RHOBTB2: variants seen among roughly 807,000 people sequenced by gnomAD.
The protein encoded by RHOBTB2 is Rho related BTB domain containing 2.
In RHOBTB2, 39 loss-of-function variants were observed where a neutral mutation model predicts 66.5. That is an observed-to-expected ratio of 0.59 (90% CI 0.45 to 0.77). The LOEUF (loss-of-function observed/expected upper bound fraction) is 0.77, where lower values mean the gene tolerates loss of function less well. Ranked by LOEUF, RHOBTB2 falls within the 30% of genes least tolerant of loss-of-function variation. The probability of loss-of-function intolerance (pLI) is 0.00; values close to 1 mark genes in which losing one functional copy is unlikely to be tolerated. For synonymous variants in RHOBTB2, 390 were observed against 395.0 expected (o/e 0.99, Z 0.15); for missense variants, 755 against 999.1 (o/e 0.76, Z 3.29).
chr8:22,958,563 T>A, the RHOBTB2 span, among the ~76,000 whole-genome samples: 1 of 151,848 alleles, frequency 6.6e-6, no homozygotes, highest in African/African-American at 2.4e-5. Flanking sequence ...CTTTGGGAAG[T>A]TGAGGCAGCA....
intron 2 of RHOBTB2, chr8:22,994,477 T>A (rs1810494985): frequency 1.2e-6 from 1 of 802,854 alleles, no homozygotes; most frequent in African/African-American, 1.7e-5. Context: ...TGAGCGACCT[T>A]GGAGTAATTC....
Position 22,999,864 on chromosome 8 carries a change from A to G in RHOBTB2, c.-252A>G, listed in dbSNP as rs1051327644. The G allele has an allele frequency of 6.5e-5, 64 of 984,830 alleles. No individual in the cohort carries two copies. Among genetic ancestry groups the G allele is most frequent in the Non-Finnish European group, 7.1e-5 (59 of 829,844 alleles). The allele number at this position is 984,830 out of a possible 1,614,324, so 61.0% of individuals were successfully genotyped here. ...GGGGCGATGCTGATCCGGAAGGGGC[A>G]GCGGCTGCAGTGCAGCGCGCGCGTC... is the stretch of plus-strand genomic sequence containing the variant. On this transcript the variant is annotated 5_prime_UTR_variant, in exon 1 of 10. Transcript: ENST00000251822.
At chr8:22,950,933 G>GCT in the RHOBTB2 span, among the ~76,000 whole-genome samples, 4 of 152,148 alleles carry the variant, frequency 2.6e-5, no homozygotes, top group Non-Finnish European at 5.9e-5. Flanking sequence ...ACAACTGCCG[G>GCT]CATTCACCGC....
chr8:22,992,500 C>CCTCCTT (rs1165593330), intron 2 of RHOBTB2, among the ~76,000 whole-genome samples: 1 of 152,136 alleles, frequency 6.6e-6, no homozygotes, highest in Non-Finnish European at 1.5e-5. Flanking sequence ...GAGTCTTAGA[C>CCTCCTT]CTGGAAGCCC....
intron 2 of RHOBTB2, among the ~76,000 whole-genome samples, chr8:22,993,540 C>A (rs1053576926): frequency 6.6e-6 from 1 of 152,190 alleles, no homozygotes; most frequent in Non-Finnish European, 1.5e-5. Flanking sequence ...CATGTAGCCA[C>A]CCCTGTCTTC....
At chr8:22,988,165 T>C (rs1342121114) in intron 1 of RHOBTB2, among the ~76,000 whole-genome samples, 9 of 143,942 alleles carry the variant, frequency 6.3e-5, no homozygotes, top group African/African-American at 2.1e-4. Flanking sequence ...TTTTTTTTTT[T>C]TTTTTTTTTT....
rs923691001 is a variant in RHOBTB2, at chr8:23,007,460, C to T, written c.1215C>T (p.Leu405=). 3 of 1,614,168 alleles carry T rather than the reference C, an allele frequency of 1.9e-6. No individual in the cohort carries two copies. Among genetic ancestry groups the T allele is most frequent in the Non-Finnish European group, 8.5e-7 (1 of 1,180,002 alleles). ...SIQEEMAEDP[L]TYKSRLMVVV... is the part of the protein sequence containing the mutation. ...AGGAAGAGATGGCAGAAGATCCTCT[C>T]ACCTACAAATCCCGGCTGATGGTGG... The change falls in exon 5 of 10, where the codon CTC becomes CTT. Residue 405 remains leucine, a synonymous_variant. Coordinates refer to ENST00000251822, the MANE Select transcript of RHOBTB2 (RefSeq NM_015178.3).
intron 7 of RHOBTB2, among the ~76,000 whole-genome samples, chr8:23,013,125 A>T (rs1811194158): frequency 1.3e-5 from 2 of 151,918 alleles, no homozygotes; most frequent in South Asian, 4.1e-4. Context: ...TGCAGAGATG[A>T]GGTCTCACTG....
At chr8:22,990,680 C>A (rs942993697) in intron 1 of RHOBTB2, among the ~76,000 whole-genome samples, 2 of 152,142 alleles carry the variant, frequency 1.3e-5, no homozygotes, top group Non-Finnish European at 2.9e-5. Flanking sequence ...AAGTGGTAAG[C>A]CACAGACAAC....
chr8:22,970,874 C>T, the RHOBTB2 span, among the ~76,000 whole-genome samples: 9 of 152,210 alleles, frequency 5.9e-5, no homozygotes, highest in African/African-American at 1.9e-4. Flanking sequence ...TCTTTACCTC[C>T]GTTTGTCCCC....
chr8:22,956,906 C>T, the RHOBTB2 span, among the ~76,000 whole-genome samples: 2 of 152,080 alleles, frequency 1.3e-5, no homozygotes, highest in East Asian at 1.9e-4. Context: ...GTGATCCACC[C>T]GCCTCGGCCT....
intron 2 of RHOBTB2, 96 bp from the exon 3 acceptor site, chr8:23,005,276 G>A: frequency 1.2e-6 from 1 of 868,728 alleles, no homozygotes; most frequent in Non-Finnish European, 1.9e-6. Flanking sequence ...GTGATGTCTG[G>A]GGCCCCCAGG....
At chr8:22,971,181 CTTTTTCT>C in the RHOBTB2 span, among the ~76,000 whole-genome samples, 1 of 124,890 alleles carries the variant, frequency 8.0e-6, no homozygotes, top group Non-Finnish European at 1.6e-5. Flanking sequence ...TCCCTTTTTC[CTTTTTCT>C]GTATTTTTTT....
rs1811198769 is a variant in RHOBTB2 at position 23,013,280 on chromosome 8, T to C, written c.1772-1410T>C. Among the ~76,000 whole-genome samples, 3 of 152,136 alleles carry C rather than the reference T, an allele frequency of 2.0e-5. No homozygotes were observed. The South Asian group carries it at 6.2e-4, about 31-fold the overall frequency. On this transcript the variant is annotated intron_variant, in intron 7 of 9. Coordinates refer to ENST00000251822, the MANE Select transcript of RHOBTB2 (RefSeq NM_015178.3). ...AGAAAATGCCTTTCTACTCATGACCTATGTCAGGAACTAGAACCTTGCTGG... is the reference window on the plus strand; with the variant it reads ...AGAAAATGCCTTTCTACTCATGACCCATGTCAGGAACTAGAACCTTGCTGG...
the RHOBTB2 span, among the ~76,000 whole-genome samples, chr8:22,962,368 C>T: frequency 5.3e-5 from 8 of 151,668 alleles, no homozygotes; most frequent in East Asian, 5.8e-4. Flanking sequence ...CATTAACTGA[C>T]GTACTTTTCA....
chr8:23,004,301 C>T lies in RHOBTB2; in HGVS notation c.-10-124C>T. ...CCCAGAACGTTGCCCACTCCTTCCT[C>T]CTCCTGTCAGCTCCGGGGCTTGCAG... On this transcript the variant is annotated intron_variant, in intron 1 of 9. Transcript: ENST00000251822. This position sits in a 1 kb window ranked among gnomAD's most constrained non-coding sequence, Gnocchi z 6.4. The T allele has an allele frequency of 1.2e-6, 1 of 806,578 alleles. No individual in the cohort carries two copies. Among genetic ancestry groups the T allele is most frequent in the Non-Finnish European group, 2.1e-6 (1 of 485,844 alleles). 50.0% of individuals were successfully genotyped at this position (806,578 alleles called of 1,614,324 possible).
upstream of RHOBTB2, among the ~76,000 whole-genome samples, chr8:22,996,498 T>G (rs1235843960): frequency 0.033 from 11 of 338 alleles, no homozygotes; most frequent in South Asian, 0.5. Flanking sequence ...AGAGGGCTGG[T>G]GTGTGTGTGT....
At chr8:23,010,356 T>TG (rs988988380) in intron 6 of RHOBTB2, among the ~76,000 whole-genome samples, 182 bp from the exon 7 acceptor site, 2 of 152,126 alleles carry the variant, frequency 1.3e-5, no homozygotes, top group Non-Finnish European at 2.9e-5. Context: ...TCAGCACAGG[T>TG]TGTCGCTCTA....
the RHOBTB2 span, among the ~76,000 whole-genome samples, chr8:22,954,833 G>C: frequency 2.0e-5 from 3 of 152,098 alleles, no homozygotes; most frequent in South Asian, 4.1e-4. Flanking sequence ...CTTTTCTTTC[G>C]TCAAGATGCC....
Sources: gnomAD v4.1 joint callset for allele counts (sites outside exome capture counted in the v4.1 genomes callset) on GRCh38, gnomAD v4.1.1 for gene constraint, Gnocchi (gnomAD v3.1) non-coding constraint, MANE v1.5 for transcripts, NCBI Gene and HGNC (gene_info 2026-07-23, HGNC 2026-07-21) for gene names.